METTL15: variants seen among roughly 807,000 people sequenced by gnomAD.
The protein encoded by METTL15 is 12S rRNA N(4)-cytidine methyltransferase METTL15.
Under a neutral mutation model 38.3 loss-of-function variants are expected in METTL15, and 34 were observed. That is an observed-to-expected ratio of 0.89 (90% CI 0.68 to 1.18). METTL15 has a LOEUF of 1.18. Among genes scored for constraint, METTL15 ranks in the 50% most tolerant of loss-of-function variants. The pLI is 0.00. For synonymous variants in METTL15, 162 were observed against 170.9 expected (o/e 0.95, Z 0.41); for missense variants, 438 against 498.4 (o/e 0.88, Z 1.15).
intron 3 of METTL15, among the ~76,000 whole-genome samples, chr11:28,132,603 G>C (rs1195839487): frequency 1.3e-5 from 2 of 152,010 alleles, no homozygotes; most frequent in Non-Finnish European, 2.9e-5. Flanking sequence ...TCTTCCATGA[G>C]ATTTTCATAA....
intron 4 of METTL15, among the ~76,000 whole-genome samples, chr11:28,222,585 A>G (rs915870426): frequency 6.6e-6 from 1 of 152,140 alleles, no homozygotes; most frequent in Non-Finnish European, 1.5e-5. Flanking sequence ...TACAATCCCC[A>G]GTGAGATGAA....
intron 6 of METTL15, among the ~76,000 whole-genome samples, chr11:28,515,179 A>G (rs1851709260): frequency 6.6e-6 from 1 of 152,242 alleles, no homozygotes; most frequent in Non-Finnish European, 1.5e-5. Context: ...TCTAGGAGCC[A>G]GAAAGGGTCA....
intron 6 of METTL15, among the ~76,000 whole-genome samples, chr11:28,464,171 C>T (rs1199983323): frequency 6.6e-6 from 1 of 152,130 alleles, no homozygotes; most frequent in Non-Finnish European, 1.5e-5. Flanking sequence ...GTTCATGTAA[C>T]ACTATCATCA....
At chr11:28,383,316 G>T (rs945475544) in intron 5 of METTL15, among the ~76,000 whole-genome samples, 2 of 152,078 alleles carry the variant, frequency 1.3e-5, no homozygotes, top group African/African-American at 4.8e-5. Flanking sequence ...TTATGGGTGG[G>T]TAGTGTTCCA....
intron 4 of METTL15, among the ~76,000 whole-genome samples, chr11:28,262,867 T>G (rs954213357): frequency 1.3e-5 from 2 of 152,110 alleles, no homozygotes; most frequent in Non-Finnish European, 2.9e-5. Flanking sequence ...TGTCCAGGTC[T>G]TCTTGGTCTC....
chr11:28,515,758 G>T (rs1851714918), intron 6 of METTL15, among the ~76,000 whole-genome samples: 1 of 152,234 alleles, frequency 6.6e-6, no homozygotes, highest in Non-Finnish European at 1.5e-5. Flanking sequence ...GAATCGAAGT[G>T]CATGAAGAAG....
At chr11:28,371,590 T>G (rs1174775273) in intron 5 of METTL15, among the ~76,000 whole-genome samples, 1 of 151,996 alleles carries the variant, frequency 6.6e-6, no homozygotes, top group African/African-American at 2.4e-5. Context: ...TGAAAGATAT[T>G]GCATTGAATC....
At chr11:28,150,076 G>T (rs1157021886) in intron 3 of METTL15, among the ~76,000 whole-genome samples, 1 of 151,970 alleles carries the variant, frequency 6.6e-6, no homozygotes, top group African/African-American at 2.4e-5. Context: ...TGGGCAGGCA[G>T]TCCTAAACTC....
intron 3 of METTL15, among the ~76,000 whole-genome samples, chr11:28,137,139 C>A (rs1590789055): frequency 6.6e-6 from 1 of 152,294 alleles, no homozygotes; most frequent in African/African-American, 2.4e-5. Context: ...AGTAGCAGAT[C>A]AGTGTGTTAA....
chr11:28,183,770 C>G (rs1484609803), intron 3 of METTL15, among the ~76,000 whole-genome samples: 1 of 152,016 alleles, frequency 6.6e-6, no homozygotes, highest in Non-Finnish European at 1.5e-5. Flanking sequence ...ATGCTGGCCT[C>G]ATAAAATGAG....
chr11:28,202,237 T>A (rs999206029), intron 3 of METTL15, among the ~76,000 whole-genome samples: 2 of 152,010 alleles, frequency 1.3e-5, no homozygotes, highest in Non-Finnish European at 2.9e-5. Flanking sequence ...ATTCAAGACA[T>A]GGTAAAATCA....
rs1319975131 is a variant in METTL15 at position 28,396,141 on chromosome 11, T to A, written c.*359-28158T>A. 2.6e-5 allele frequency among the ~76,000 whole-genome samples: 4 copies of A among 152,122 alleles called. No homozygotes were observed. The East Asian group carries it at 7.7e-4, about 29-fold the overall frequency. ...TATGACAAACCCACAGCCAATACAC[T>A]GAATGGGCAAAAACTGGAAGCATTC... On this transcript the variant is annotated intron_variant and NMD_transcript_variant, in intron 5 of 7. Coordinates refer to the METTL15 transcript ENST00000532947.
In METTL15 at chr11:28,351,149, G is replaced by A. The variant is rs1850038372; in HGVS notation, c.*190-941G>A. Reference sequence around the variant, plus strand: ...TTTTTTTAAGATGGAATCTTGCTCTGTTGCTAGGCTGGAGTGAAGTGGTGC... The same window carrying A: ...TTTTTTTAAGATGGAATCTTGCTCTATTGCTAGGCTGGAGTGAAGTGGTGC... On this transcript the variant is annotated intron_variant and NMD_transcript_variant, in intron 3 of 7. Transcript: ENST00000532947. Among the ~76,000 whole-genome samples the A allele has an allele frequency of 2.0e-5, 3 of 151,980 alleles. No individual in the cohort carries two copies. The South Asian group carries it at 6.2e-4, about 32-fold the overall frequency.
At chr11:28,258,311 C>T (rs1236355445) in intron 4 of METTL15, among the ~76,000 whole-genome samples, 1 of 152,184 alleles carries the variant, frequency 6.6e-6, no homozygotes, top group African/African-American at 2.4e-5. Flanking sequence ...ACCACTGTGA[C>T]TATGCTGGGT....
At chr11:28,242,384 G>C (rs1277453197) in intron 4 of METTL15, among the ~76,000 whole-genome samples, 1 of 152,028 alleles carries the variant, frequency 6.6e-6, no homozygotes, top group Non-Finnish European at 1.5e-5. Flanking sequence ...AATTTAAAAA[G>C]CCCAAATGCA....
chr11:28,461,651 A>G (rs1851215691), intron 6 of METTL15, among the ~76,000 whole-genome samples: 1 of 152,054 alleles, frequency 6.6e-6, no homozygotes, highest in Non-Finnish European at 1.5e-5. Flanking sequence ...ACAAAAAAAA[A>G]GAGATGTGGG....
At chr11:28,117,601 T>C (rs1364798295) in intron 3 of METTL15, among the ~76,000 whole-genome samples, 1 of 152,194 alleles carries the variant, frequency 6.6e-6, no homozygotes, top group Non-Finnish European at 1.5e-5. Context: ...AATGTAATGT[T>C]GGTTTATTTT....
intron 5 of METTL15, among the ~76,000 whole-genome samples, chr11:28,418,230 G>T (rs142939686): frequency 6.6e-6 from 1 of 152,120 alleles, no homozygotes; most frequent in Non-Finnish European, 1.5e-5. Flanking sequence ...AATCACGCTC[G>T]TTAAACTTGT....
intron 3 of METTL15, among the ~76,000 whole-genome samples, chr11:28,144,652 T>G (rs1849816911): frequency 6.6e-6 from 1 of 152,082 alleles, no homozygotes; most frequent in African/African-American, 2.4e-5. Context: ...TTTTGGTGGA[T>G]ATAGTGAATA....
Sources: allele counts gnomAD v4.1 joint callset (sites outside exome capture counted in the v4.1 genomes callset), GRCh38; gene constraint gnomAD v4.1.1; transcripts MANE v1.5; gene names NCBI Gene and HGNC (gene_info 2026-07-23, HGNC 2026-07-21).